ARHGAP31: variants seen among roughly 807,000 people sequenced by gnomAD.
ARHGAP31 encodes the protein rho GTPase-activating protein 31.
In ARHGAP31, 34 loss-of-function variants were observed where a neutral mutation model predicts 113.9. That is an observed-to-expected ratio of 0.30 (90% CI 0.23 to 0.40). ARHGAP31 has a LOEUF of 0.40. Among genes scored for constraint, ARHGAP31 ranks in the 10% least tolerant of loss-of-function variants. The pLI is 1.00. For missense variants in ARHGAP31, 1,548 were observed against 1,767.1 expected (o/e 0.88, Z 2.22); for synonymous variants, 650 against 684.8 (o/e 0.95, Z 0.79).
intron 1 of ARHGAP31, among the ~76,000 whole-genome samples, chr3:119,323,137 C>CTT (rs1025360075): frequency 6.5e-4 from 99 of 152,340 alleles, no homozygotes; most frequent in African/African-American, 2.2e-3. Flanking sequence ...TTCTGATCCC[C>CTT]TTTCGGCGCT....
chr3:119,367,792 G>T (rs1021544080), intron 2 of ARHGAP31, among the ~76,000 whole-genome samples: 1 of 150,482 alleles, frequency 6.6e-6, no homozygotes, highest in Admixed American at 6.7e-5. Flanking sequence ...GGGAGGCGGA[G>T]GTTGCAGTGA....
Position 119,383,278 on chromosome 3 carries a change from A to G in ARHGAP31, c.682+52A>G, listed in dbSNP as rs988081060. On this transcript the variant is annotated intron_variant, in intron 6 of 11. Coordinates refer to ENST00000264245, the MANE Select transcript of ARHGAP31 (RefSeq NM_020754.4). Reference sequence around the variant, plus strand: ...CACCAGCTTATCCTTCTTTCTTGCAACTAGTGGTGGGACTCAACAGAAAGT... The same window carrying G: ...CACCAGCTTATCCTTCTTTCTTGCAGCTAGTGGTGGGACTCAACAGAAAGT... 5 of 1,609,160 alleles carry G rather than the reference A, an allele frequency of 3.1e-6. No homozygotes were observed. In the African/African-American group the frequency reaches 4.0e-5, roughly 13 times the overall value.
intron 1 of ARHGAP31, among the ~76,000 whole-genome samples, chr3:119,341,601 C>T (rs2080008694): frequency 6.6e-6 from 1 of 152,134 alleles, no homozygotes; most frequent in African/African-American, 2.4e-5. Flanking sequence ...CAAGGGAGTT[C>T]CATCTGCTCT....
intron 1 of ARHGAP31, among the ~76,000 whole-genome samples, chr3:119,362,594 C>T (rs1577012610): frequency 6.6e-6 from 1 of 151,952 alleles, no homozygotes; most frequent in South Asian, 2.1e-4. Context: ...ATAGTGAAAC[C>T]TTACCTCTAT....
chr3:119,413,829 G>A, intron 11 of ARHGAP31, 27 bp from the exon 12 acceptor site: 1 of 1,614,154 alleles, frequency 6.2e-7, no homozygotes, highest in Non-Finnish European at 8.5e-7. Flanking sequence ...TTAGTTCTAA[G>A]ACAATCAGTT....
intron 1 of ARHGAP31, among the ~76,000 whole-genome samples, chr3:119,364,913 C>T (rs1030491107): frequency 6.6e-6 from 1 of 152,056 alleles, no homozygotes; most frequent in Non-Finnish European, 1.5e-5. Context: ...GTCAACATGG[C>T]GAAACCCAGT....
chr3:119,337,099 T>G (rs77879564), intron 1 of ARHGAP31, among the ~76,000 whole-genome samples: 2 of 152,232 alleles, frequency 1.3e-5, no homozygotes, highest in African/African-American at 4.8e-5. Context: ...TTGTGAATAA[T>G]GGTGCTGTGT....
intron 1 of ARHGAP31, among the ~76,000 whole-genome samples, chr3:119,364,906 A>C (rs1044203655): frequency 6.6e-6 from 1 of 152,222 alleles, no homozygotes; most frequent in Non-Finnish European, 1.5e-5. Context: ...CAGCCTGGTC[A>C]ACATGGCGAA....
chr3:119,397,048 G>A (rs1264302394), intron 8 of ARHGAP31, among the ~76,000 whole-genome samples: 1 of 152,198 alleles, frequency 6.6e-6, no homozygotes, highest in Non-Finnish European at 1.5e-5. Context: ...GCTAAGAGAG[G>A]AGGACTCAAG....
At position 119,377,042 on chromosome 3, in the gene ARHGAP31, A is replaced by C. The variant is rs560318276; in HGVS notation, c.349-3862A>C. 8.5e-5 allele frequency among the ~76,000 whole-genome samples: 13 copies of C among 152,362 alleles called. No individual in the cohort carries two copies. The South Asian group carries it at 2.5e-3, about 29-fold the overall frequency. On this transcript the variant is annotated intron_variant, in intron 3 of 11. Coordinates refer to ENST00000264245, the MANE Select transcript of ARHGAP31 (RefSeq NM_020754.4). ...CTATGGGTAATGATCCCAGGATAGC[A>C]GTGTTCTGGAAGTGTGGCCCAAATG...
At chr3:119,331,415 TATTA>T (rs749603039) in intron 1 of ARHGAP31, among the ~76,000 whole-genome samples, 1 of 152,236 alleles carries the variant, frequency 6.6e-6, no homozygotes. Context: ...AGTGAAGCCG[TATTA>T]ATTACTTTTA....
intron 1 of ARHGAP31, among the ~76,000 whole-genome samples, chr3:119,336,907 A>G (rs1369872381): frequency 6.6e-6 from 1 of 152,216 alleles, no homozygotes; most frequent in Non-Finnish European, 1.5e-5. Context: ...TATGAACGGA[A>G]TCATCTGGCT....
chr3:119,401,145 T>C (rs112840352), intron 9 of ARHGAP31, among the ~76,000 whole-genome samples: 7 of 145,316 alleles, frequency 4.8e-5, no homozygotes. Context: ...CACTCCAGCC[T>C]GGGCGACAGA....
At chr3:119,321,527 G>A (rs966823771) in intron 1 of ARHGAP31, among the ~76,000 whole-genome samples, 4 of 149,698 alleles carry the variant, frequency 2.7e-5, no homozygotes, top group African/African-American at 9.8e-5. Flanking sequence ...TTTTCATATT[G>A]TGATTACACT....
In ARHGAP31 at chr3:119,413,881, T is replaced by A. The variant is rs2080741398; in HGVS notation, c.1952T>A (p.Leu651Gln). 1 of 1,614,102 alleles carries A rather than the reference T, an allele frequency of 6.2e-7. No individual in the cohort carries two copies. The highest frequency in any genetic ancestry group is 8.5e-7 in the Non-Finnish European group (1 of 1,180,044). Residue 651 changes from leucine (L) to glutamine (Q), a missense_variant, in exon 12 of 12, where the codon CTG (leucine) becomes CAG (glutamine). Physicochemically the swap from Leu to Gln is moderately radical, Grantham distance 113. Coordinates refer to ENST00000264245, the MANE Select transcript of ARHGAP31 (RefSeq NM_020754.4). ...EMDEDDLANA[L>Q]IWPEIQQELK... ...GATGAAGATGATCTGGCCAATGCCC[T>A]GATCTGGCCTGAGATTCAACAGGAG...
At position 119,410,501 on chromosome 3, in the gene ARHGAP31, A is replaced by G. The variant is rs986418674; in HGVS notation, c.1926+725A>G. Among the ~76,000 whole-genome samples the G allele has an allele frequency of 3.3e-5, 5 of 152,126 alleles. No homozygotes were observed. The South Asian group carries it at 1.0e-3, about 31-fold the overall frequency. On this transcript the variant is annotated intron_variant, in intron 11 of 11. Transcript: ENST00000264245. ...GTGCACAAAAGAACCATGTGCTGGGAGTTAGGGCAGAGTGGAGTGCCATGG... is the reference window on the plus strand; with the variant it reads ...GTGCACAAAAGAACCATGTGCTGGGGGTTAGGGCAGAGTGGAGTGCCATGG...
intron 1 of ARHGAP31, among the ~76,000 whole-genome samples, chr3:119,363,238 A>G (rs1376631381): frequency 1.3e-5 from 2 of 152,200 alleles, no homozygotes; most frequent in Admixed American, 6.5e-5. Context: ...GGAGACTTTA[A>G]GTATCATTGG....
rs114818824 is a variant in ARHGAP31 at position 119,350,972 on chromosome 3, A to G, written c.101-14344A>G. Among the ~76,000 whole-genome samples the G allele has an allele frequency of 6.5e-3, 996 of 152,320 alleles. 12 individuals carry two copies. Among genetic ancestry groups the G allele is most frequent in the African/African-American group, 0.023 (936 of 41,570 alleles). ...CAGCCCAGCCTCTCCTCCCAGTGTC[A>G]TCCAAGAAGCTGACAGATCCTAGAA... On this transcript the variant is annotated intron_variant, in intron 1 of 11. Coordinates refer to ENST00000264245, the MANE Select transcript of ARHGAP31 (RefSeq NM_020754.4).
chr3:119,409,833 C>G, intron 11 of ARHGAP31, 57 bp downstream of exon 11: 1 of 1,503,834 alleles, frequency 6.6e-7, no homozygotes, highest in South Asian at 1.3e-5. Flanking sequence ...CCCAAGGGCT[C>G]TTGGTACAAT....
Sources: gnomAD v4.1 joint callset for allele counts (sites outside exome capture counted in the v4.1 genomes callset) on GRCh38, gnomAD v4.1.1 for gene constraint, MANE v1.5 for transcripts, NCBI Gene and HGNC (gene_info 2026-07-23, HGNC 2026-07-21) for gene names.